RALA: variants seen among roughly 807,000 people sequenced by gnomAD.
RALA encodes ras-related protein Ral-A.
A neutral mutation model predicts 24.0 loss-of-function variants in RALA; 5 were observed. The observed-to-expected ratio is 0.21, with a 90% CI of 0.11 to 0.44. The LOEUF is 0.44. Among genes scored for constraint, RALA ranks in the 20% least tolerant of loss-of-function variants. The pLI is 0.99. For missense variants in RALA, 95 were observed against 241.2 expected (o/e 0.39, Z 4.01); for synonymous variants, 77 against 83.8 (o/e 0.92, Z 0.44).
chr7:39,707,272 T>C lies in RALA; in HGVS notation c.*1027T>C, dbSNP rs1583767012. 6.6e-6 allele frequency: 1 copy of C among 152,214 alleles called. No individual in the cohort carries two copies. Among genetic ancestry groups the C allele is most frequent in the Non-Finnish European group, 1.5e-5 (1 of 68,038 alleles). The allele number at this position is 152,214 out of a possible 1,614,324, so 9.4% of individuals were successfully genotyped here. On this transcript the variant is annotated 3_prime_UTR_variant, in exon 5 of 5. Coordinates refer to ENST00000005257, the MANE Select transcript of RALA (RefSeq NM_005402.4). The stretch of plus-strand genomic sequence containing the variant: ...GGGAGCAGGGCATAGGAAGAAAATG[T>C]CAGTAGTGCTAATGCATTTTGCACT...
At chr7:39,654,120 T>A (rs751330522) in intron 1 of RALA, among the ~76,000 whole-genome samples, 1 of 152,222 alleles carries the variant, frequency 6.6e-6, no homozygotes, top group Non-Finnish European at 1.5e-5. Context: ...TCTTTACCTT[T>A]ATGTACACAG....
chr7:39,701,950 C>T (rs932698759), intron 4 of RALA, among the ~76,000 whole-genome samples: 3 of 152,176 alleles, frequency 2.0e-5, no homozygotes, highest in African/African-American at 7.2e-5. Context: ...TAATTCACGA[C>T]TCCAAGGTTG....
chr7:39,628,376 TAC>T (rs36095637), intron 1 of RALA, among the ~76,000 whole-genome samples: 53,423 of 144,760 alleles, frequency 0.37, 10,374 homozygotes, highest in East Asian at 0.48. Flanking sequence ...ACCTCATAAC[TAC>T]ACACACACAC....
At chr7:39,699,476 C>T (rs1299370445) in intron 4 of RALA, among the ~76,000 whole-genome samples, 2 of 152,176 alleles carry the variant, frequency 1.3e-5, no homozygotes, top group Non-Finnish European at 1.5e-5. Context: ...TATGCACTCA[C>T]GTATACGTGT....
intron 3 of RALA, among the ~76,000 whole-genome samples, chr7:39,692,024 C>T (rs773416715): frequency 1.3e-5 from 2 of 152,142 alleles, no homozygotes; most frequent in African/African-American, 2.4e-5. Context: ...ATTCATTACT[C>T]TTAGGGCGTA....
intron 1 of RALA, among the ~76,000 whole-genome samples, chr7:39,685,946 CT>C: frequency 6.6e-6 from 1 of 152,154 alleles, no homozygotes; most frequent in Non-Finnish European, 1.5e-5. Context: ...TGGCTCACGC[CT>C]GTAATCCCAG....
At chr7:39,660,410 T>C (rs1325258102) in intron 1 of RALA, among the ~76,000 whole-genome samples, 1 of 152,172 alleles carries the variant, frequency 6.6e-6, no homozygotes, top group Non-Finnish European at 1.5e-5. Context: ...ATAACACTTA[T>C]AAGAGGCAGT....
intron 1 of RALA, among the ~76,000 whole-genome samples, chr7:39,658,335 G>A (rs1411474825): frequency 6.6e-6 from 1 of 152,124 alleles, no homozygotes; most frequent in Admixed American, 6.6e-5. Flanking sequence ...CTTGCCTAGT[G>A]TTATCAATAC....
At chr7:39,695,032 C>A (rs1188290105) in intron 3 of RALA, among the ~76,000 whole-genome samples, 1 of 151,224 alleles carries the variant, frequency 6.6e-6, no homozygotes, top group Non-Finnish European at 1.5e-5. Context: ...GCACTACAGC[C>A]TGGGTGACAG....
At chr7:39,693,449 A>T (rs1011262811) in intron 3 of RALA, among the ~76,000 whole-genome samples, 3 of 152,234 alleles carry the variant, frequency 2.0e-5, no homozygotes, top group African/African-American at 7.2e-5. Flanking sequence ...GGATAGCATT[A>T]GGAGAAATAC....
At chr7:39,687,406 G>T (rs979648184) in intron 2 of RALA, among the ~76,000 whole-genome samples, 1 of 149,640 alleles carries the variant, frequency 6.7e-6, no homozygotes, top group Non-Finnish European at 1.5e-5. Flanking sequence ...CAGCCTGGGC[G>T]ACAGAGCAAG....
At chr7:39,637,086 T>A (rs1281942449) in intron 1 of RALA, among the ~76,000 whole-genome samples, 1 of 152,212 alleles carries the variant, frequency 6.6e-6, no homozygotes, top group Non-Finnish European at 1.5e-5. Flanking sequence ...TTAAAATTTG[T>A]GGTATAGCAA....
rs567882411 is a variant in RALA, at chr7:39,686,634, C to G, written c.-34C>G. 302 of 1,489,766 alleles carry G rather than the reference C, an allele frequency of 2.0e-4. 2 individuals carry two copies. The South Asian group carries it at 3.3e-3, about 16-fold the overall frequency. The allele number at this position is 1,489,766 out of a possible 1,614,324, so 92.3% of individuals were successfully genotyped here. A position where few individuals can be genotyped will look rare whatever the true frequency, so the allele number is the denominator to read the frequency against. ...CTTATTCTTTCATTCTTCTTAGATTCTTCTTAATCCTTTGGTGAAAACTGA... is the reference window on the plus strand; with the variant it reads ...CTTATTCTTTCATTCTTCTTAGATTGTTCTTAATCCTTTGGTGAAAACTGA... On this transcript the variant is annotated 5_prime_UTR_variant, in exon 2 of 5. Coordinates refer to ENST00000005257, the MANE Select transcript of RALA (RefSeq NM_005402.4).
chr7:39,641,614 A>T (rs886337491), intron 1 of RALA, among the ~76,000 whole-genome samples: 1 of 152,126 alleles, frequency 6.6e-6, no homozygotes. Flanking sequence ...TGGATTCCCA[A>T]GCTCTGTCAG....
At chr7:39,688,997 G>A (rs1225229903) in intron 2 of RALA, among the ~76,000 whole-genome samples, 2 of 152,156 alleles carry the variant, frequency 1.3e-5, no homozygotes, top group East Asian at 3.8e-4. Flanking sequence ...ACGCGAGCAA[G>A]GGAGGAAGTG....
chr7:39,642,533 A>G (rs547179735), intron 1 of RALA, among the ~76,000 whole-genome samples: 3 of 152,268 alleles, frequency 2.0e-5, no homozygotes, highest in East Asian at 3.9e-4. Flanking sequence ...TGTTTGCATC[A>G]AAGAGGCATA....
At chr7:39,641,786 G>C (rs1039905714) in intron 1 of RALA, among the ~76,000 whole-genome samples, 1 of 152,058 alleles carries the variant, frequency 6.6e-6, no homozygotes, top group Non-Finnish European at 1.5e-5. Context: ...TGATTTTCTT[G>C]CTCAAAAAAG....
chr7:39,706,209 A>G lies in RALA; in HGVS notation c.585A>G (p.Leu195=), dbSNP rs954689912. The change falls in exon 5 of 5, where the codon TTA becomes TTG. Residue 195 remains leucine (L), a synonymous_variant. Transcript: ENST00000005257. ...EKNGKKKRKS[L]AKRIRERCCI... is the part of the protein sequence containing the mutation. ...ATGGAAAAAAGAAGAGGAAAAGTTTAGCCAAGAGAATCAGAGAAAGATGCT... is the reference window on the plus strand; with the variant it reads ...ATGGAAAAAAGAAGAGGAAAAGTTTGGCCAAGAGAATCAGAGAAAGATGCT... The G allele has an allele frequency of 6.2e-7, 1 of 1,609,818 alleles. No homozygotes were observed. The highest frequency in any genetic ancestry group is 1.3e-5 in the African/African-American group (1 of 74,740).
intron 1 of RALA, among the ~76,000 whole-genome samples, chr7:39,628,278 G>C (rs1171131223): frequency 3.9e-5 from 6 of 151,926 alleles, no homozygotes; most frequent in African/African-American, 1.5e-4. Flanking sequence ...CTTATGTGCT[G>C]TCATAATATC....
Sources: allele counts gnomAD v4.1 joint callset (sites outside exome capture counted in the v4.1 genomes callset), GRCh38; gene constraint gnomAD v4.1.1; transcripts MANE v1.5; gene names NCBI Gene and HGNC (gene_info 2026-07-23, HGNC 2026-07-21).